The following DYSF variants were observed in gnomAD, a reference collection of about 807,000 sequenced individuals.
DYSF encodes the protein dystrophy-associated fer-1-like 1.
A neutral mutation model predicts 274.9 loss-of-function variants in DYSF; 212 were observed. That is an observed-to-expected ratio of 0.77 (90% CI 0.69 to 0.86). The LOEUF (loss-of-function observed/expected upper bound fraction) is 0.86. Among genes scored for constraint, DYSF ranks in the 40% least tolerant of loss-of-function variants. DYSF has a pLI of 0.00. For missense variants in DYSF, 2,666 were observed against 2,783.2 expected (o/e 0.96, Z 0.95); for synonymous variants, 1,091 against 1,078.7 (o/e 1.01, Z -0.22).
intron 40 of DYSF, among the ~76,000 whole-genome samples, chr2:71,614,111 G>C (rs1229585927): frequency 6.6e-6 from 1 of 152,208 alleles, no homozygotes; most frequent in Non-Finnish European, 1.5e-5. Flanking sequence ...TCCCCCGACT[G>C]TGGGCCATGG....
At chr2:71,644,453 C>T (rs953810933) in intron 42 of DYSF, among the ~76,000 whole-genome samples, 10 of 152,208 alleles carry the variant, frequency 6.6e-5, no homozygotes, top group Admixed American at 4.6e-4. Context: ...GAGATGGGTA[C>T]GCAGGGATTT....
intron 50 of DYSF, 117 bp downstream of exon 50, chr2:71,669,324 A>G (rs2095076539): frequency 4.0e-6 from 4 of 990,648 alleles, no homozygotes; most frequent in Middle Eastern, 3.0e-4. Context: ...CAAACTTCCA[A>G]CGAGGGCTCC....
intron 51 of DYSF, among the ~76,000 whole-genome samples, chr2:71,673,213 CAG>C (rs1471024392): frequency 1.3e-5 from 2 of 152,220 alleles, no homozygotes; most frequent in East Asian, 3.9e-4. Flanking sequence ...AGTGAGAAAA[CAG>C]AGAACAAGAC....
At chr2:71,521,454 G>C (rs1049548899) in intron 12 of DYSF, among the ~76,000 whole-genome samples, 2 of 152,228 alleles carry the variant, frequency 1.3e-5, no homozygotes, top group African/African-American at 4.8e-5. Flanking sequence ...ACCCACTCTG[G>C]GTTGGACGCT....
chr2:71,677,066 T>A (rs899538119), intron 52 of DYSF, among the ~76,000 whole-genome samples: 2 of 152,152 alleles, frequency 1.3e-5, no homozygotes, highest in Admixed American at 1.3e-4. Context: ...GGAGCATAGA[T>A]GAATGCCGAT....
chr2:71,485,971 G>T (rs1049575569), intron 3 of DYSF, among the ~76,000 whole-genome samples: 1 of 151,882 alleles, frequency 6.6e-6, no homozygotes, highest in Admixed American at 6.6e-5. Flanking sequence ...GAGCCACCGC[G>T]CCCAGCCCTT....
At chr2:71,672,805 T>G (rs905424728) in intron 51 of DYSF, among the ~76,000 whole-genome samples, 7 of 152,142 alleles carry the variant, frequency 4.6e-5, no homozygotes, top group African/African-American at 1.7e-4. Flanking sequence ...GGGAGGCACC[T>G]GCAGAAGGGC....
intron 41 of DYSF, among the ~76,000 whole-genome samples, chr2:71,622,481 T>A (rs192394849): frequency 2.0e-5 from 3 of 152,380 alleles, no homozygotes; most frequent in Admixed American, 6.5e-5. Flanking sequence ...TTTGAGATGC[T>A]GCTGAGCAGA....
At position 71,508,294 on chromosome 2, in the gene DYSF, A is replaced by C. The variant is rs116786636; in HGVS notation, c.346-3513A>C. ...TCTCCAGTTAAGGACTTTCTCCTACATAACCACAACACAGCCTTCCAAACG... is the reference window on the plus strand; with the variant it reads ...TCTCCAGTTAAGGACTTTCTCCTACCTAACCACAACACAGCCTTCCAAACG... On this transcript the variant is annotated intron_variant, in intron 4 of 55. Transcript: ENST00000410020. Among the ~76,000 whole-genome samples, 1,169 of 152,320 alleles carry C rather than the reference A, an allele frequency of 7.7e-3. 14 individuals are homozygous for C. The highest frequency in any genetic ancestry group is 0.027 in the African/African-American group (1,110 of 41,554).
At chr2:71,482,163 C>T (rs1005963462) in intron 3 of DYSF, among the ~76,000 whole-genome samples, 193 bp downstream of exon 3, 2 of 152,160 alleles carry the variant, frequency 1.3e-5, no homozygotes, top group Non-Finnish European at 2.9e-5. Context: ...GCCATGGGTA[C>T]AGCTGAGCTT....
At chr2:71,537,303 A>G (rs7575069) in intron 16 of DYSF, among the ~76,000 whole-genome samples, 1,469 of 138,876 alleles carry the variant, frequency 0.011, 22 homozygotes, top group African/African-American at 0.039. Flanking sequence ...CTGGAGTCCA[A>G]TGGCGTGATC....
intron 4 of DYSF, among the ~76,000 whole-genome samples, chr2:71,510,483 C>T (rs1242725331): frequency 2.0e-5 from 3 of 152,196 alleles, no homozygotes; most frequent in Non-Finnish European, 2.9e-5. Flanking sequence ...CCTTTGTTGA[C>T]CTCCTCCTGG....
intron 40 of DYSF, among the ~76,000 whole-genome samples, chr2:71,613,876 G>A (rs987023453): frequency 6.6e-6 from 1 of 152,156 alleles, no homozygotes; most frequent in Non-Finnish European, 1.5e-5. Flanking sequence ...TTAGAAAGAA[G>A]AGGCTGTGTC....
In DYSF at chr2:71,607,655, G is replaced by A. The variant is rs537357866; in HGVS notation, c.3958-3590G>A. On this transcript the variant is annotated intron_variant, in intron 36 of 55. Transcript: ENST00000410020. ...CACTGAGCAAAGGAGATGGGTGGGC[G>A]GGCGTGAGAGATGTTCAGGAGACAG... is the stretch of plus-strand genomic sequence containing the variant. Among the ~76,000 whole-genome samples, 17 of 152,272 alleles carry A rather than the reference G, an allele frequency of 1.1e-4. 1 individual carries two copies. The highest frequency in any genetic ancestry group is 2.9e-4 in the African/African-American group (12 of 41,546).
intron 17 of DYSF, among the ~76,000 whole-genome samples, chr2:71,545,059 A>G (rs1462127431): frequency 6.6e-6 from 1 of 152,184 alleles, no homozygotes; most frequent in Non-Finnish European, 1.5e-5. Flanking sequence ...AGAGTAGGGG[A>G]GAGCTGCTTC....
Position 71,611,473 on chromosome 2 carries a change from A to G in DYSF, c.4068A>G (p.Ala1356=), listed in dbSNP as rs2093760291. The G allele has an allele frequency of 6.2e-7, 1 of 1,613,970 alleles. No homozygotes were observed. The highest frequency in any genetic ancestry group is 8.5e-7 in the Non-Finnish European group (1 of 1,180,036). Residue 1356 remains alanine (A), a synonymous_variant, in exon 38 of 56, where the codon GCA becomes GCG. Transcript: ENST00000410020. ...ALQRTAIEIL[A]WGLRNMKSYQ... ...TCATTCTGTGTGCTTAGATCCTGGC[A>G]TGGGGCCTGCGGAACATGAAGAGTT...
intron 4 of DYSF, among the ~76,000 whole-genome samples, chr2:71,504,181 G>T (rs937488838): frequency 2.0e-5 from 3 of 152,176 alleles, no homozygotes; most frequent in African/African-American, 7.2e-5. Flanking sequence ...AACCACTGAA[G>T]TCACATAGTC....
intron 19 of DYSF, among the ~76,000 whole-genome samples, chr2:71,552,003 A>G (rs1255667849): frequency 6.6e-6 from 1 of 152,254 alleles, no homozygotes; most frequent in African/African-American, 2.4e-5. Flanking sequence ...TATTAATAAC[A>G]TAAGGATAGC....
chr2:71,581,024 T>G (rs1464415158), intron 30 of DYSF, among the ~76,000 whole-genome samples: 2 of 152,220 alleles, frequency 1.3e-5, no homozygotes, highest in Non-Finnish European at 2.9e-5. Context: ...TATAATTTAC[T>G]GTCCAGTCTG....
Sources: gnomAD v4.1 joint callset for allele counts (sites outside exome capture counted in the v4.1 genomes callset) on GRCh38, gnomAD v4.1.1 for gene constraint, MANE v1.5 for transcripts, NCBI Gene and HGNC (gene_info 2026-07-23, HGNC 2026-07-21) for gene names.